Variants in SLC4A10 observed in about 807,000 individuals in gnomAD.
SLC4A10 encodes sodium-driven chloride bicarbonate exchanger.
A neutral mutation model predicts 137.7 loss-of-function variants in SLC4A10; 42 were observed. The observed-to-expected ratio is 0.30, with a 90% CI of 0.24 to 0.39. SLC4A10 has a LOEUF of 0.39. Ranked by LOEUF, SLC4A10 falls within the 10% of genes least tolerant of loss-of-function variation. SLC4A10 has a pLI of 1.00. For missense variants in SLC4A10, 925 were observed against 1,355.0 expected (o/e 0.68, Z 4.98); for synonymous variants, 474 against 464.1 (o/e 1.02, Z -0.27).
chr2:161,895,028 G>A lies in SLC4A10; in HGVS notation c.1341+203G>A, dbSNP rs899914937. Among the ~76,000 whole-genome samples, 4 of 149,818 alleles carry A rather than the reference G, an allele frequency of 2.7e-5. No individual in the cohort carries two copies. In the East Asian group the frequency reaches 7.9e-4, roughly 30 times the overall value. On this transcript the variant is annotated intron_variant, in intron 11 of 26. Coordinates refer to ENST00000446997, the MANE Select transcript of SLC4A10 (RefSeq NM_001178015.2). ...GCTGCACCCATTAACTCGTCATTTA[G>A]CATTAGGTATATCTCCTAATGCTAT...
At chr2:161,881,763 G>C (rs2125972481) in intron 9 of SLC4A10, among the ~76,000 whole-genome samples, 1 of 152,082 alleles carries the variant, frequency 6.6e-6, no homozygotes, top group East Asian at 1.9e-4. Context: ...ACCTAATATA[G>C]ATGGAATATT....
intron 15 of SLC4A10, among the ~76,000 whole-genome samples, chr2:161,914,860 G>A (rs552745701): frequency 5.2e-4 from 79 of 152,144 alleles, no homozygotes; most frequent in African/African-American, 1.6e-3. Flanking sequence ...AAGTCATATC[G>A]ATAGTAACAG....
chr2:161,742,054 C>A (rs1023563907), intron 1 of SLC4A10, among the ~76,000 whole-genome samples: 1 of 152,150 alleles, frequency 6.6e-6, no homozygotes, highest in African/African-American at 2.4e-5. Context: ...TTTTAGCTCC[C>A]ATAAATGTGT....
intron 1 of SLC4A10, among the ~76,000 whole-genome samples, chr2:161,641,177 T>C (rs796671887): frequency 6.6e-5 from 10 of 152,294 alleles, no homozygotes; most frequent in African/African-American, 2.2e-4. Context: ...TTTCCAATCT[T>C]ACTGTTTATT....
chr2:161,938,636 AGGGCATGATAT>A (rs1484837680), intron 15 of SLC4A10, among the ~76,000 whole-genome samples: 40 of 151,828 alleles, frequency 2.6e-4, no homozygotes, highest in African/African-American at 9.4e-4. Flanking sequence ...ATCATTGAGA[AGGGCATGATAT>A]GTACAAGAGA....
intron 1 of SLC4A10, among the ~76,000 whole-genome samples, chr2:161,666,107 A>ATGT (rs2039015144): frequency 1.3e-5 from 2 of 151,464 alleles, no homozygotes; most frequent in African/African-American, 4.8e-5. Context: ...AAAACCCAAA[A>ATGT]TAATAAAAAA....
intron 3 of SLC4A10, among the ~76,000 whole-genome samples, chr2:161,808,826 C>G (rs117220319): frequency 6.6e-6 from 1 of 151,858 alleles, no homozygotes; most frequent in African/African-American, 2.4e-5. Context: ...ATAAGGAAAC[C>G]TAGTTGATTC....
At chr2:161,647,986 G>A (rs1032712495) in intron 1 of SLC4A10, among the ~76,000 whole-genome samples, 3 of 152,188 alleles carry the variant, frequency 2.0e-5, no homozygotes, top group African/African-American at 7.2e-5. Context: ...TAGTGGTATA[G>A]CATTCATGCA....
chr2:161,980,603 T>A (rs1450878836), intron 26 of SLC4A10, among the ~76,000 whole-genome samples: 2 of 152,118 alleles, frequency 1.3e-5, no homozygotes, highest in Non-Finnish European at 2.9e-5. Context: ...GAGCCAAGAT[T>A]GTGCCACTGC....
chr2:161,950,329 T>G (rs1260276207), intron 18 of SLC4A10, among the ~76,000 whole-genome samples: 1 of 152,122 alleles, frequency 6.6e-6, no homozygotes, highest in Non-Finnish European at 1.5e-5. Context: ...TAATATCATT[T>G]TATTTAATAC....
intron 3 of SLC4A10, among the ~76,000 whole-genome samples, chr2:161,822,669 G>A (rs1042761593): frequency 1.1e-4 from 16 of 152,052 alleles, no homozygotes; most frequent in African/African-American, 3.9e-4. Flanking sequence ...TGTATATTAT[G>A]TATTTTTATA....
At chr2:161,863,337 TAAAC>T (rs1559412205) in intron 6 of SLC4A10, among the ~76,000 whole-genome samples, 1 of 152,130 alleles carries the variant, frequency 6.6e-6, no homozygotes, top group Non-Finnish European at 1.5e-5. Context: ...GCAGAAAACA[TAAAC>T]AGAGCATCTG....
At chr2:161,716,284 G>A (rs190807858) in intron 1 of SLC4A10, among the ~76,000 whole-genome samples, 1 of 151,862 alleles carries the variant, frequency 6.6e-6, no homozygotes, top group East Asian at 1.9e-4. Context: ...TAGGTTGTCT[G>A]TTTTCTCTGA....
At chr2:161,981,600 G>T (rs1029847659) in intron 26 of SLC4A10, among the ~76,000 whole-genome samples, 1 of 152,204 alleles carries the variant, frequency 6.6e-6, no homozygotes, top group African/African-American at 2.4e-5. Context: ...GGCAGGTAGA[G>T]CTTAAGGAAA....
chr2:161,748,433 A>AATTTGTGT (rs2048610407), intron 1 of SLC4A10, among the ~76,000 whole-genome samples: 1 of 128,898 alleles, frequency 7.8e-6, no homozygotes, highest in Admixed American at 7.6e-5. Flanking sequence ...AGCCATTTTG[A>AATTTGTGT]GTTTGTGTGT....
chr2:161,957,482 A>T (rs1285079818), intron 20 of SLC4A10, among the ~76,000 whole-genome samples: 5 of 152,184 alleles, frequency 3.3e-5, no homozygotes. Context: ...TGAGTAAATT[A>T]TTGTAACAAT....
At chr2:161,871,636 C>T (rs534657209) in intron 6 of SLC4A10, among the ~76,000 whole-genome samples, 1 of 152,088 alleles carries the variant, frequency 6.6e-6, no homozygotes, top group South Asian at 2.1e-4. Context: ...AAAACTAATA[C>T]AATTCAAGTT....
intron 1 of SLC4A10, among the ~76,000 whole-genome samples, chr2:161,682,061 A>C (rs957923038): frequency 6.6e-5 from 10 of 152,024 alleles, no homozygotes; most frequent in African/African-American, 2.4e-4. Flanking sequence ...TTAATATGTA[A>C]CTCATCCTTA....
chr2:161,979,862 C>T (rs1699969290), intron 26 of SLC4A10, among the ~76,000 whole-genome samples: 1 of 152,068 alleles, frequency 6.6e-6, no homozygotes, highest in African/African-American at 2.4e-5. Flanking sequence ...CCTAGAAACC[C>T]TTTTTTCATG....
Sources: allele counts gnomAD v4.1 joint callset (sites outside exome capture counted in the v4.1 genomes callset), GRCh38; gene constraint gnomAD v4.1.1; transcripts MANE v1.5; gene names NCBI Gene and HGNC (gene_info 2026-07-23, HGNC 2026-07-21).